The following BTBD9 variants were observed in gnomAD, a reference collection of about 807,000 sequenced individuals.
BTBD9 encodes BTB/POZ domain-containing protein 9.
Under a neutral mutation model 64.3 loss-of-function variants are expected in BTBD9, and 49 were observed. The observed-to-expected ratio is 0.76, with a 90% confidence interval of 0.61 to 0.97. The LOEUF is 0.97. BTBD9 is among the 50% of genes least tolerant of loss of function. BTBD9 has a pLI of 0.00. For missense variants in BTBD9, 598 were observed against 762.1 expected (o/e 0.78, Z 2.53); for synonymous variants, 260 against 274.7 (o/e 0.95, Z 0.53).
At chr6:38,334,625 C>CATAAA (rs879431671) in intron 7 of BTBD9, among the ~76,000 whole-genome samples, 10 of 104,110 alleles carry the variant, frequency 9.6e-5, no homozygotes, top group South Asian at 2.9e-4. Context: ...CATAACATAA[C>CATAAA]ATAAAATAAA....
chr6:38,361,255 G>A (rs749555103), intron 6 of BTBD9, among the ~76,000 whole-genome samples: 7 of 152,162 alleles, frequency 4.6e-5, no homozygotes, highest in South Asian at 4.1e-4. Flanking sequence ...ATAAAAACAC[G>A]TATTTCAGTT....
chr6:38,190,370 G>A (rs1205035033), intron 10 of BTBD9, among the ~76,000 whole-genome samples: 1 of 150,280 alleles, frequency 6.7e-6, no homozygotes, highest in African/African-American at 2.5e-5. Flanking sequence ...CTGGGAGGCT[G>A]AGGCAGAAGA....
chr6:38,270,558 G>A (rs539627008), intron 8 of BTBD9, among the ~76,000 whole-genome samples: 8 of 152,160 alleles, frequency 5.3e-5, no homozygotes, highest in Non-Finnish European at 1.0e-4. Context: ...AGTCACACAT[G>A]AGAGTGTTTG....
At chr6:38,609,990 T>C (rs529494036) in intron 1 of BTBD9, among the ~76,000 whole-genome samples, 1 of 152,280 alleles carries the variant, frequency 6.6e-6, no homozygotes, top group Non-Finnish European at 1.5e-5. Flanking sequence ...TAGAAATAAA[T>C]ATACTGACAC....
intron 6 of BTBD9, among the ~76,000 whole-genome samples, chr6:38,511,496 C>A (rs1190200753): frequency 6.6e-6 from 1 of 151,760 alleles, no homozygotes; most frequent in Non-Finnish European, 1.5e-5. Flanking sequence ...GCGCCTGCCA[C>A]CACGCCTGGC....
intron 6 of BTBD9, among the ~76,000 whole-genome samples, chr6:38,364,994 G>A (rs1357444420): frequency 2.0e-5 from 3 of 152,238 alleles, no homozygotes; most frequent in Middle Eastern, 3.4e-3. Context: ...GTGCTTGGGG[G>A]AGACTGTGAG....
intron 6 of BTBD9, among the ~76,000 whole-genome samples, chr6:38,513,221 C>T (rs774409191): frequency 8.6e-5 from 13 of 151,836 alleles, no homozygotes; most frequent in Admixed American, 2.0e-4. Context: ...TTTGGGAGGC[C>T]GAGGGGAGTG....
intron 6 of BTBD9, among the ~76,000 whole-genome samples, chr6:38,484,295 T>C (rs920463785): frequency 6.6e-6 from 1 of 152,210 alleles, no homozygotes; most frequent in African/African-American, 2.4e-5. Flanking sequence ...GTTTTTTAAA[T>C]GTCTAATGAG....
chr6:38,549,815 C>T (rs2127446228), intron 6 of BTBD9, among the ~76,000 whole-genome samples: 1 of 152,270 alleles, frequency 6.6e-6, no homozygotes, highest in East Asian at 1.9e-4. Flanking sequence ...CACCACTCCT[C>T]TAAAACTGCT....
intron 6 of BTBD9, among the ~76,000 whole-genome samples, chr6:38,391,199 C>A (rs1226997318): frequency 1.3e-5 from 2 of 152,184 alleles, no homozygotes; most frequent in Non-Finnish European, 2.9e-5. Flanking sequence ...AGCTCATGAA[C>A]CTTACTCTCA....
chr6:38,268,269 G>A (rs912201861), intron 8 of BTBD9, among the ~76,000 whole-genome samples: 6 of 152,088 alleles, frequency 3.9e-5, no homozygotes, highest in Admixed American at 1.3e-4. Flanking sequence ...ATGCTAATAG[G>A]TGCCCACACG....
At chr6:38,414,213 G>A (rs923772403) in intron 6 of BTBD9, among the ~76,000 whole-genome samples, 1 of 152,146 alleles carries the variant, frequency 6.6e-6, no homozygotes, top group African/African-American at 2.4e-5. Context: ...TGCTTGTGAA[G>A]GTGCTTATTT....
chr6:38,487,151 A>G (rs1771474536), intron 6 of BTBD9, among the ~76,000 whole-genome samples: 1 of 152,280 alleles, frequency 6.6e-6, no homozygotes. Context: ...TGTGTAAGGT[A>G]GATTCCATCT....
rs1312599556 is a variant in BTBD9, at chr6:38,288,371, G to A, written c.1355C>T (p.Thr452Ile). 1 of 1,613,984 alleles carries A rather than the reference G, an allele frequency of 6.2e-7. No individual in the cohort carries two copies. The highest frequency in any genetic ancestry group is 1.7e-5 in the Admixed American group (1 of 59,984). The change falls in exon 8 of 11, where the codon ACT becomes ATT. Residue 452 changes from threonine to isoleucine, a missense_variant. Transcript: ENST00000481247. ...RSRNALLNGD[T>I]KNYDWDSGYT... ...GCCAGAATCCCAGTCATAATTCTTAGTGTCCCCATTCAGCAAGGCATTTCG... is the reference window on the plus strand; with the variant it reads ...GCCAGAATCCCAGTCATAATTCTTAATGTCCCCATTCAGCAAGGCATTTCG...
intron 6 of BTBD9, among the ~76,000 whole-genome samples, chr6:38,368,350 G>T (rs189348190): frequency 1.3e-5 from 2 of 151,916 alleles, no homozygotes; most frequent in African/African-American, 4.8e-5. Flanking sequence ...TTTAGGGGGC[G>T]GGGGAATGGA....
At chr6:38,280,522 A>C (rs1178556829) in intron 8 of BTBD9, among the ~76,000 whole-genome samples, 1 of 152,244 alleles carries the variant, frequency 6.6e-6, no homozygotes. Flanking sequence ...TCCAAGCCAG[A>C]AGAGTCATAT....
At chr6:38,228,665 G>A (rs544598661) in intron 9 of BTBD9, among the ~76,000 whole-genome samples, 5 of 151,606 alleles carry the variant, frequency 3.3e-5, no homozygotes, top group Non-Finnish European at 5.9e-5. Flanking sequence ...CGTGAGGTCA[G>A]GAGATCGAGA....
chr6:38,407,378 T>C (rs570425573), intron 6 of BTBD9, among the ~76,000 whole-genome samples: 15 of 152,218 alleles, frequency 9.9e-5, no homozygotes, highest in African/African-American at 3.6e-4. Flanking sequence ...GTTCTTTCAG[T>C]AGGGAATCAC....
chr6:38,338,363 A>C (rs1763977023), intron 7 of BTBD9, among the ~76,000 whole-genome samples: 1 of 152,112 alleles, frequency 6.6e-6, no homozygotes, highest in Admixed American at 6.6e-5. Flanking sequence ...TTTTCCATTT[A>C]ATATTTTTGG....
Sources: gnomAD v4.1 joint callset for allele counts (sites outside exome capture counted in the v4.1 genomes callset) on GRCh38, gnomAD v4.1.1 for gene constraint, MANE v1.5 for transcripts, NCBI Gene and HGNC (gene_info 2026-07-23, HGNC 2026-07-21) for gene names.